JPH3: variants seen among roughly 807,000 people sequenced by gnomAD.
JPH3 encodes junctophilin 3, also known as junctophilin-3.
A neutral mutation model predicts 59.6 loss-of-function variants in JPH3; 11 were observed. The ratio of observed to expected loss-of-function variants is 0.18; its 90% CI spans 0.12 to 0.31. JPH3 has a LOEUF of 0.31. JPH3 is among the 10% of genes least tolerant of loss of function. JPH3 has a pLI of 1.00. For missense variants in JPH3, 1,202 were observed against 1,105.7 expected, an observed-to-expected ratio of 1.09 and a Z score of -1.24; for synonymous variants, 673 against 483.6, an observed-to-expected ratio of 1.39 and a Z score of -5.14.
At chr16:87,610,387 C>T (rs935073757) in intron 1 of JPH3, among the ~76,000 whole-genome samples, 1 of 152,172 alleles carries the variant, frequency 6.6e-6, no homozygotes, top group Admixed American at 6.5e-5. Context: ...ATTGGGCAGG[C>T]AGCACTGGTC....
At chr16:87,605,309 G>T (rs542005538) in intron 1 of JPH3, among the ~76,000 whole-genome samples, 2 of 152,330 alleles carry the variant, frequency 1.3e-5, no homozygotes, top group South Asian at 4.1e-4. Context: ...GACATCTCCA[G>T]AGTCCTGAGG....
At chr16:87,613,394 C>T (rs907905084) in intron 1 of JPH3, among the ~76,000 whole-genome samples, 1 of 152,112 alleles carries the variant, frequency 6.6e-6, no homozygotes, top group African/African-American at 2.4e-5. Flanking sequence ...GAACTCAGCT[C>T]ACTGCAGCCT....
intron 2 of JPH3, among the ~76,000 whole-genome samples, chr16:87,664,643 C>A (rs1450993761): frequency 6.6e-6 from 1 of 152,140 alleles, no homozygotes; most frequent in Non-Finnish European, 1.5e-5. Flanking sequence ...AGTAATAATT[C>A]GTCCGTCTCC....
rs1360391869 is a variant in JPH3, at chr16:87,611,118, G to A, written c.382+7590G>A. On this transcript the variant is annotated intron_variant, in intron 1 of 4. Coordinates refer to ENST00000284262, the MANE Select transcript of JPH3 (RefSeq NM_020655.4). The surrounding 1 kb of genome is among the most constrained non-coding windows in gnomAD (Gnocchi z 4.5). ...GGTAACGTGGAAGATTGGAAAAAAAGAAACAAACACATAAAAATGAAAATG... is the reference window on the plus strand; with the variant it reads ...GGTAACGTGGAAGATTGGAAAAAAAAAAACAAACACATAAAAATGAAAATG... 1.3e-5 allele frequency among the ~76,000 whole-genome samples: 2 copies of A among 152,202 alleles called. No individual in the cohort carries two copies. Among genetic ancestry groups the A allele is most frequent in the East Asian group, 1.9e-4 (1 of 5,204 alleles).
Position 87,661,135 on chromosome 16 carries a change from C to T in JPH3, c.1160+16100C>T, listed in dbSNP as rs543406982. 2.7e-3 allele frequency among the ~76,000 whole-genome samples: 411 copies of T among 152,328 alleles called. 1 individual carries two copies. Among genetic ancestry groups the T allele is most frequent in the Non-Finnish European group, 4.3e-3 (290 of 68,032 alleles). ...TTTCCCAGCTTCCAGAGGCCGCCTG[C>T]GTTCCTTGGCTCGAGGTCCCTCCTC... On this transcript the variant is annotated intron_variant, in intron 2 of 4. Coordinates refer to ENST00000284262, the MANE Select transcript of JPH3 (RefSeq NM_020655.4).
chr16:87,621,904 G>C (rs2031199006), intron 1 of JPH3, among the ~76,000 whole-genome samples: 1 of 152,202 alleles, frequency 6.6e-6, no homozygotes, highest in African/African-American at 2.4e-5. Flanking sequence ...ATAATGCGGA[G>C]ATGGGTCAAG....
At chr16:87,660,559 A>G (rs750600542) in intron 2 of JPH3, among the ~76,000 whole-genome samples, 7 of 152,130 alleles carry the variant, frequency 4.6e-5, no homozygotes, top group Non-Finnish European at 7.4e-5. Flanking sequence ...AGACCAGTAC[A>G]CCAGGGTCTG....
chr16:87,647,506 C>G (rs898936031), intron 2 of JPH3, among the ~76,000 whole-genome samples: 4 of 152,242 alleles, frequency 2.6e-5, no homozygotes, highest in African/African-American at 9.6e-5. Flanking sequence ...GCAGCCCATG[C>G]TCCCTGGCAG....
chr16:87,654,846 C>G (rs1429864186), intron 2 of JPH3: 1 of 152,308 alleles, frequency 6.6e-6, no homozygotes, highest in South Asian at 2.1e-4. Flanking sequence ...CTGCCCTCTT[C>G]TCACAGGAAC....
chr16:87,683,259 C>G (rs549750758), intron 2 of JPH3, among the ~76,000 whole-genome samples: 3 of 152,276 alleles, frequency 2.0e-5, no homozygotes, highest in Admixed American at 6.5e-5. Context: ...GGCTTGGACT[C>G]TTTCTGTGCA....
At chr16:87,604,283 G>GCTTC (rs2030404096) in intron 1 of JPH3, 1 of 1,278,332 alleles carries the variant, frequency 7.8e-7, no homozygotes, top group Admixed American at 2.4e-5. Context: ...AAGCCAGGGA[G>GCTTC]CTGCCTGCTG....
chr16:87,674,450 G>C (rs2033095972), intron 2 of JPH3, among the ~76,000 whole-genome samples: 1 of 152,254 alleles, frequency 6.6e-6, no homozygotes, highest in African/African-American at 2.4e-5. Context: ...CTGTGACGGA[G>C]TCTTGTGCAG....
At chr16:87,622,743 C>G (rs1050679268) in intron 1 of JPH3, among the ~76,000 whole-genome samples, 2 of 151,940 alleles carry the variant, frequency 1.3e-5, no homozygotes, top group Non-Finnish European at 2.9e-5. Context: ...ATCAGACCCC[C>G]CCCCGCCCCA....
At chr16:87,656,504 T>C (rs144300162) in intron 2 of JPH3, among the ~76,000 whole-genome samples, 11 of 152,308 alleles carry the variant, frequency 7.2e-5, no homozygotes, top group African/African-American at 2.6e-4. Flanking sequence ...GGAGTTCATA[T>C]GAGGGTGAAG....
At chr16:87,683,375 G>A (rs913188085) in intron 2 of JPH3, among the ~76,000 whole-genome samples, 6 of 151,528 alleles carry the variant, frequency 4.0e-5, no homozygotes, top group African/African-American at 7.3e-5. Flanking sequence ...CGTGATCTCC[G>A]CTCACTGCAA....
At chr16:87,641,214 ACATACATCCCTGCTTGCCCGGCTCTTGG>A (rs1305676000) in intron 1 of JPH3, among the ~76,000 whole-genome samples, 17 of 152,272 alleles carry the variant, frequency 1.1e-4, no homozygotes, top group African/African-American at 3.4e-4. Context: ...GGTCCGGTCC[ACATACATCCCTGCTTGCCCGGCTCTTGG>A]CATCCTGTAG....
At chr16:87,684,295 T>A (rs1297487867) in intron 3 of JPH3, 29 bp downstream of exon 3, 6 of 1,612,148 alleles carry the variant, frequency 3.7e-6, no homozygotes, top group Non-Finnish European at 5.1e-6. Context: ...GATACTGGCA[T>A]CGTGGGGAGG....
chr16:87,688,121 G>A (rs1430623689), intron 3 of JPH3, among the ~76,000 whole-genome samples: 1 of 152,162 alleles, frequency 6.6e-6, no homozygotes, highest in African/African-American at 2.4e-5. Flanking sequence ...CTGCTCGGGG[G>A]ACACCCAACC....
intron 1 of JPH3, among the ~76,000 whole-genome samples, chr16:87,605,235 T>C (rs1466840553): frequency 1.3e-5 from 2 of 152,194 alleles, no homozygotes; most frequent in African/African-American, 4.8e-5. Flanking sequence ...GCTTTCGTTG[T>C]CTCTGAAACT....
Sources: gnomAD v4.1 joint callset for allele counts (sites outside exome capture counted in the v4.1 genomes callset) on GRCh38, gnomAD v4.1.1 for gene constraint, Gnocchi (gnomAD v3.1) non-coding constraint, MANE v1.5 for transcripts, NCBI Gene and HGNC (gene_info 2026-07-23, HGNC 2026-07-21) for gene names.